The following MAN1A2 variants were observed in gnomAD, a reference collection of about 807,000 sequenced individuals.
The protein encoded by MAN1A2 is mannosidase alpha class 1A member 2, also known as mannosyl-oligosaccharide 1,2-alpha-mannosidase IB.
A neutral mutation model predicts 75.7 loss-of-function variants in MAN1A2; 26 were observed. The observed-to-expected ratio is 0.34, with a 90% confidence interval of 0.25 to 0.48. MAN1A2 has a LOEUF of 0.48. MAN1A2 is among the 20% of genes least tolerant of loss of function. The probability of loss-of-function intolerance (pLI) is 0.99; values close to 1 mark genes in which losing one functional copy is unlikely to be tolerated. For synonymous variants in MAN1A2, 247 were observed against 264.6 expected (o/e 0.93, Z 0.65); for missense variants, 562 against 775.5 (o/e 0.72, Z 3.27).
intron 6 of MAN1A2, among the ~76,000 whole-genome samples, chr1:117,451,616 C>T (rs1300623693): frequency 2.0e-5 from 3 of 152,096 alleles, no homozygotes; most frequent in Non-Finnish European, 4.4e-5. Flanking sequence ...TCATGCTATT[C>T]TTGTGATAGT....
intron 12 of MAN1A2, among the ~76,000 whole-genome samples, chr1:117,516,656 A>G (rs943015249): frequency 6.6e-6 from 1 of 152,302 alleles, no homozygotes; most frequent in Non-Finnish European, 1.5e-5. Flanking sequence ...AATGAAGGAC[A>G]GTAATCTCTG....
intron 12 of MAN1A2, chr1:117,515,473 T>A (rs964042147): frequency 6.6e-6 from 1 of 152,004 alleles, no homozygotes; most frequent in Non-Finnish European, 1.5e-5. Flanking sequence ...GCCAGAGTAG[T>A]CATGAAGAAA....
intron 3 of MAN1A2, 54 bp from the exon 4 acceptor site, chr1:117,414,659 A>G: frequency 1.2e-6 from 1 of 863,562 alleles, no homozygotes; most frequent in Non-Finnish European, 2.0e-6. Flanking sequence ...CCCCAAAGAG[A>G]ACAGGAACCT....
intron 5 of MAN1A2, among the ~76,000 whole-genome samples, chr1:117,429,388 G>A: frequency 7.2e-6 from 1 of 137,952 alleles, no homozygotes. Flanking sequence ...GCCGGGCAGA[G>A]GCGCCCCTCA....
chr1:117,391,260 G>C (rs1333626461), intron 1 of MAN1A2, among the ~76,000 whole-genome samples: 1 of 152,128 alleles, frequency 6.6e-6, no homozygotes, highest in Non-Finnish European at 1.5e-5. Context: ...CATTTAAACA[G>C]AATGTATATT....
intron 1 of MAN1A2, among the ~76,000 whole-genome samples, chr1:117,400,641 G>C (rs1001169065): frequency 5.3e-5 from 8 of 151,944 alleles, no homozygotes; most frequent in Admixed American, 2.6e-4. Context: ...CTTTCACTCG[G>C]ATAAGAATGC....
At chr1:117,414,650 C>A in intron 3 of MAN1A2, 63 bp from the exon 4 acceptor site, 6 of 782,732 alleles carry the variant, frequency 7.7e-6, no homozygotes, top group South Asian at 3.2e-5. Context: ...TTTTTTTCCC[C>A]CCAAAGAGAA....
At chr1:117,426,303 A>G (rs972979571) in intron 5 of MAN1A2, among the ~76,000 whole-genome samples, 3 of 150,930 alleles carry the variant, frequency 2.0e-5, no homozygotes, top group Non-Finnish European at 4.4e-5. Context: ...TTGTGTGTGT[A>G]TGTGTTGGGC....
chr1:117,518,513 C>T (rs916745429), intron 12 of MAN1A2, among the ~76,000 whole-genome samples: 3 of 151,500 alleles, frequency 2.0e-5, no homozygotes, highest in Admixed American at 6.6e-5. Flanking sequence ...TTTAAAAAAA[C>T]AGTAAAGAAG....
At chr1:117,415,730 T>A (rs977270472) in intron 4 of MAN1A2, among the ~76,000 whole-genome samples, 2 of 151,780 alleles carry the variant, frequency 1.3e-5, no homozygotes, top group Non-Finnish European at 2.9e-5. Context: ...GGCTCCTTGA[T>A]CATCAAGGAT....
intron 6 of MAN1A2, among the ~76,000 whole-genome samples, chr1:117,455,305 A>G (rs1484708534): frequency 6.6e-6 from 1 of 152,160 alleles, no homozygotes; most frequent in Non-Finnish European, 1.5e-5. Flanking sequence ...AAGACTAATC[A>G]GTAGTGAGAG....
intron 1 of MAN1A2, among the ~76,000 whole-genome samples, chr1:117,384,652 T>C (rs188381958): frequency 1.3e-5 from 2 of 152,304 alleles, no homozygotes; most frequent in Admixed American, 6.5e-5. Context: ...CTAGCCATTA[T>C]TGAAAATGGG....
rs1290674723 is a variant in MAN1A2 at position 117,442,995 on chromosome 1, T to A, written c.950+670T>A. Among the ~76,000 whole-genome samples the A allele has an allele frequency of 4.6e-5, 7 of 152,306 alleles. No homozygotes were observed. In the East Asian group the frequency reaches 1.3e-3, roughly 29 times the overall value. On this transcript the variant is annotated intron_variant, in intron 6 of 12. Coordinates refer to ENST00000356554, the MANE Select transcript of MAN1A2 (RefSeq NM_006699.5). ...AATTAACATTTGAATAATGTCAACA[T>A]ATTTGAACTTGCATTTAAGTAATTT...
intron 3 of MAN1A2, among the ~76,000 whole-genome samples, chr1:117,407,499 T>C (rs1176491791): frequency 3.3e-5 from 5 of 152,192 alleles, no homozygotes; most frequent in African/African-American, 1.2e-4. Flanking sequence ...TAGGAATATG[T>C]AGGTGGATAC....
At chr1:117,421,926 A>G (rs1426505736) in intron 5 of MAN1A2, among the ~76,000 whole-genome samples, 2 of 152,122 alleles carry the variant, frequency 1.3e-5, no homozygotes, top group East Asian at 3.8e-4. Flanking sequence ...CGTGGAGACC[A>G]TTATCCTACG....
intron 8 of MAN1A2, among the ~76,000 whole-genome samples, chr1:117,471,486 C>T (rs1298437581): frequency 6.6e-6 from 1 of 151,728 alleles, no homozygotes; most frequent in Non-Finnish European, 1.5e-5. Context: ...TAATCAATTT[C>T]TGAATATCAA....
intron 11 of MAN1A2, among the ~76,000 whole-genome samples, chr1:117,500,776 A>G (rs1570795643): frequency 6.6e-6 from 1 of 151,842 alleles, no homozygotes; most frequent in Non-Finnish European, 1.5e-5. Context: ...TCTGTGTAGG[A>G]GGGTGCTGCC....
intron 8 of MAN1A2, among the ~76,000 whole-genome samples, chr1:117,473,998 A>G (rs1447965097): frequency 6.6e-6 from 1 of 151,968 alleles, no homozygotes; most frequent in Non-Finnish European, 1.5e-5. Context: ...GTTGAGGCTC[A>G]TGTTGATGGT....
At chr1:117,444,839 AAAT>A (rs1272799864) in intron 6 of MAN1A2, among the ~76,000 whole-genome samples, 1 of 152,070 alleles carries the variant, frequency 6.6e-6, no homozygotes, top group Non-Finnish European at 1.5e-5. Context: ...TTATATATAC[AAAT>A]ATATGTTTTA....
Sources: allele counts gnomAD v4.1 joint callset (sites outside exome capture counted in the v4.1 genomes callset), GRCh38; gene constraint gnomAD v4.1.1; transcripts MANE v1.5; gene names NCBI Gene and HGNC (gene_info 2026-07-23, HGNC 2026-07-21).